The following ARIH2 variants were observed in gnomAD, a reference collection of about 807,000 sequenced individuals.
The protein encoded by ARIH2 is E3 ubiquitin-protein ligase ARIH2.
A neutral mutation model predicts 79.8 loss-of-function variants in ARIH2; 12 were observed. That is an observed-to-expected ratio of 0.15 (90% CI 0.10 to 0.24). The LOEUF is 0.24. Among genes scored for constraint, ARIH2 ranks in the 10% least tolerant of loss-of-function variants. The pLI is 1.00. For synonymous variants in ARIH2, 224 were observed against 213.9 expected (o/e 1.05, Z -0.41); for missense variants, 301 against 618.3 (o/e 0.49, Z 5.44).
In ARIH2 at chr3:48,968,589, T is replaced by C; in HGVS notation, c.594T>C (p.Phe198=). Residue 198 remains phenylalanine (F), a synonymous_variant, in exon 7 of 16, where the codon TTT becomes TTC. Coordinates refer to ENST00000356401, the MANE Select transcript of ARIH2 (RefSeq NM_006321.4). The part of the protein sequence containing the change: ...CPLRTPEDFV[F]PLLPNEELRE... ...TCCGTACACCAGAGGACTTTGTGTTTCCATTGCTTCCCAATGAAGAATTGA... is the reference window on the plus strand; with the variant it reads ...TCCGTACACCAGAGGACTTTGTGTTCCCATTGCTTCCCAATGAAGAATTGA... The C allele has an allele frequency of 1.9e-6, 3 of 1,612,068 alleles. No individual in the cohort carries two copies. The African/African-American group carries it at 4.0e-5, about 22-fold the overall frequency.
intron 1 of ARIH2, 29 bp downstream of exon 1, chr3:48,919,027 G>C: frequency 7.2e-7 from 1 of 1,386,088 alleles, no homozygotes; most frequent in Non-Finnish European, 9.3e-7. Flanking sequence ...TCACGGCCTT[G>C]TTTACCTTGG....
chr3:48,973,556 A>T (rs1462787826), intron 8 of ARIH2, 143 bp from the exon 9 acceptor site: 2 of 564,520 alleles, frequency 3.5e-6, no homozygotes, highest in Non-Finnish European at 6.2e-6. Flanking sequence ...CAGCCTGGCG[A>T]CAGAGCAAGA....
At chr3:48,968,813 G>A (rs2091977433) in intron 7 of ARIH2, among the ~76,000 whole-genome samples, 158 bp downstream of exon 7, 1 of 152,202 alleles carries the variant, frequency 6.6e-6, no homozygotes, top group Non-Finnish European at 1.5e-5. Context: ...CCACTGGAGT[G>A]ATAGTGAAGA....
intron 3 of ARIH2, among the ~76,000 whole-genome samples, chr3:48,959,931 A>G (rs534779239): frequency 6.6e-6 from 1 of 152,222 alleles, no homozygotes; most frequent in East Asian, 1.9e-4. Context: ...AGGAGGGATC[A>G]TGTGGTGTTC....
At chr3:48,965,041 T>C in intron 5 of ARIH2, 59 bp downstream of exon 5, 1 of 1,523,496 alleles carries the variant, frequency 6.6e-7, no homozygotes, top group South Asian at 1.1e-5. Context: ...TTGCTTTGGC[T>C]TGCAGTGTCC....
At chr3:48,938,504 T>C (rs1199497613) in intron 3 of ARIH2, among the ~76,000 whole-genome samples, 1 of 151,620 alleles carries the variant, frequency 6.6e-6, no homozygotes, top group Admixed American at 6.6e-5. Context: ...GGGAGAAACA[T>C]AAAAACTTTA....
rs1415935001 is a variant in ARIH2, at chr3:48,972,260, C to T, written c.771-1439C>T. Among the ~76,000 whole-genome samples, 4 of 152,154 alleles carry T rather than the reference C, an allele frequency of 2.6e-5. No individual in the cohort carries two copies. The East Asian group carries it at 5.8e-4, about 22-fold the overall frequency. ...TCATAGCTCACTGCAGCCTCAAACC[C>T]CTGGGATGAAGTGATCCTTCTGCCT... On this transcript the variant is annotated intron_variant, in intron 8 of 15. Coordinates refer to ENST00000356401, the MANE Select transcript of ARIH2 (RefSeq NM_006321.4).
rs914294859 is a variant in ARIH2, at chr3:48,970,627, A to C, written c.693A>C (p.Ala231=). The C allele has an allele frequency of 3.7e-6, 6 of 1,613,976 alleles. No homozygotes were observed. Among genetic ancestry groups the C allele is most frequent in the Non-Finnish European group, 4.2e-6 (5 of 1,179,968 alleles). Residue 231 remains alanine (A), a synonymous_variant, in exon 8 of 16, where the codon GCA becomes GCC. Transcript: ENST00000356401. The part of the protein sequence containing the change: ...SHYQLQLCPG[A]DCPMVIRVQE... ...ACCAGCTCCAGCTGTGCCCTGGTGC[A>C]GACTGCCCCATGGTTATTCGGGTAC...
At chr3:48,952,991 G>A (rs950450193) in intron 3 of ARIH2, among the ~76,000 whole-genome samples, 1 of 151,756 alleles carries the variant, frequency 6.6e-6, no homozygotes, top group Admixed American at 6.6e-5. Flanking sequence ...GTGCAGTGGC[G>A]CGATCTTGGC....
intron 3 of ARIH2, chr3:48,943,082 CTCT>C (rs1213339245): frequency 6.6e-6 from 1 of 152,168 alleles, no homozygotes; most frequent in African/African-American, 2.4e-5. Flanking sequence ...CCTCGCCAAC[CTCT>C]TCTTTTTCAA....
chr3:48,919,049 G>T, intron 1 of ARIH2, 51 bp downstream of exon 1: 4 of 1,330,244 alleles, frequency 3.0e-6, no homozygotes, highest in Non-Finnish European at 3.8e-6. Flanking sequence ...TGGCCGCTGG[G>T]GGGGCCTCTC....
chr3:48,972,393 G>A (rs1225730860), intron 8 of ARIH2, among the ~76,000 whole-genome samples: 2 of 151,708 alleles, frequency 1.3e-5, no homozygotes, highest in East Asian at 3.9e-4. Context: ...TAGGACCCCT[G>A]TGACTTTAGG....
At chr3:48,974,392 A>C (rs1208489467) in intron 9 of ARIH2, among the ~76,000 whole-genome samples, 1 of 152,172 alleles carries the variant, frequency 6.6e-6, no homozygotes, top group Non-Finnish European at 1.5e-5. Flanking sequence ...GCATCTCTCA[A>C]ATGGGAGAGA....
intron 3 of ARIH2, among the ~76,000 whole-genome samples, chr3:48,951,834 A>G (rs2089998087): frequency 6.6e-6 from 1 of 151,946 alleles, no homozygotes; most frequent in African/African-American, 2.4e-5. Flanking sequence ...TGTTTTATCA[A>G]CTTTGTTGAT....
intron 14 of ARIH2, 27 bp downstream of exon 14, chr3:48,981,755 G>A (rs1576576009): frequency 6.3e-7 from 1 of 1,590,320 alleles, no homozygotes; most frequent in East Asian, 2.2e-5. Flanking sequence ...TTTCTACTCT[G>A]TCCCGTTAGC....
chr3:48,960,989 AG>A (rs1474622865), intron 3 of ARIH2, among the ~76,000 whole-genome samples: 1 of 152,124 alleles, frequency 6.6e-6, no homozygotes, highest in Non-Finnish European at 1.5e-5. Flanking sequence ...GCACCTTCTG[AG>A]GTTCTTTAGT....
intron 3 of ARIH2, among the ~76,000 whole-genome samples, chr3:48,935,450 A>T (rs761890433): frequency 6.6e-6 from 1 of 152,224 alleles, no homozygotes; most frequent in Non-Finnish European, 1.5e-5. Context: ...CATTTAAGTG[A>T]GTACCTATGT....
Position 48,980,609 on chromosome 3 carries a change from C to G in ARIH2, c.1257+113C>G, listed in dbSNP as rs891461628. 4 of 1,236,078 alleles carry G rather than the reference C, an allele frequency of 3.2e-6. No homozygotes were observed. The African/African-American group carries it at 6.1e-5, about 19-fold the overall frequency. 76.6% of individuals were successfully genotyped at this position (1,236,078 alleles called of 1,614,324 possible). The stretch of plus-strand genomic sequence containing the variant: ...GAGGGTATTTTAGCACCCTGTGCAG[C>G]CTTTCATGCTTCTGCTTGTGGATCC... On this transcript the variant is annotated intron_variant, in intron 13 of 15. Coordinates refer to ENST00000356401, the MANE Select transcript of ARIH2 (RefSeq NM_006321.4).
chr3:48,978,415 TTGTGTATGTGTGTGTGTGTGTGTG>T (rs1239759248), intron 11 of ARIH2, among the ~76,000 whole-genome samples: 2 of 90,622 alleles, frequency 2.2e-5, no homozygotes, highest in Admixed American at 1.5e-4. Flanking sequence ...CCTGGCTAAT[TTGTGTATGTGTGTGTGTGTGTGTG>T]TGTGTGTGTG....
Sources: gnomAD v4.1 joint callset for allele counts (sites outside exome capture counted in the v4.1 genomes callset) on GRCh38, gnomAD v4.1.1 for gene constraint, MANE v1.5 for transcripts, NCBI Gene and HGNC (gene_info 2026-07-23, HGNC 2026-07-21) for gene names.